ULK4: variants seen among roughly 807,000 people sequenced by gnomAD.
The protein encoded by ULK4 is inactive serine/threonine-protein kinase ULK4.
A neutral mutation model predicts 160.6 loss-of-function variants in ULK4; 133 were observed. The ratio of observed to expected loss-of-function variants is 0.83; its 90% confidence interval spans 0.72 to 0.96. ULK4 has a LOEUF of 0.96. Ranked by LOEUF, ULK4 falls within the 40% of genes least tolerant of loss-of-function variation. ULK4 has a pLI of 0.00. For synonymous variants in ULK4, 534 were observed against 539.8 expected (o/e 0.99, Z 0.15); for missense variants, 1,580 against 1,499.5 (o/e 1.05, Z -0.89).
At chr3:41,797,928 GAGAAA>G (rs1364970791) in intron 20 of ULK4, among the ~76,000 whole-genome samples, 2 of 151,020 alleles carry the variant, frequency 1.3e-5, no homozygotes, top group African/African-American at 2.4e-5. Flanking sequence ...GAAAAGAAAA[GAGAAA>G]AGAAAAGAAA....
intron 32 of ULK4, among the ~76,000 whole-genome samples, chr3:41,484,156 G>A (rs182474426): frequency 2.0e-3 from 310 of 152,282 alleles, no homozygotes; most frequent in African/African-American, 7.1e-3. Context: ...GCACTTCTGA[G>A]TCAGCATCAG....
chr3:41,293,758 G>T (rs2079617034), intron 35 of ULK4, among the ~76,000 whole-genome samples: 1 of 152,142 alleles, frequency 6.6e-6, no homozygotes, highest in Admixed American at 6.6e-5. Flanking sequence ...AACAATGTCT[G>T]GCATACAGTA....
intron 21 of ULK4, among the ~76,000 whole-genome samples, chr3:41,773,507 C>A (rs1473082196): frequency 2.0e-5 from 3 of 152,118 alleles, no homozygotes; most frequent in Non-Finnish European, 4.4e-5. Flanking sequence ...AGGAATCCAA[C>A]TTAAAAGGGA....
chr3:41,553,028 G>C (rs2087134341), intron 32 of ULK4, among the ~76,000 whole-genome samples: 1 of 152,090 alleles, frequency 6.6e-6, no homozygotes, highest in African/African-American at 2.4e-5. Flanking sequence ...AATAAATGGT[G>C]CTGGGAAAAT....
intron 35 of ULK4, among the ~76,000 whole-genome samples, chr3:41,317,063 A>ATGTTTGTTTTTTTTTT (rs2080156954): frequency 1.1e-5 from 1 of 94,522 alleles, no homozygotes; most frequent in African/African-American, 4.3e-5. Flanking sequence ...AATTACATCT[A>ATGTTTGTTTTTTTTTT]TTTTTTTTTT....
chr3:41,463,527 C>T (rs1470053405), intron 32 of ULK4, among the ~76,000 whole-genome samples: 1 of 152,152 alleles, frequency 6.6e-6, no homozygotes, highest in Non-Finnish European at 1.5e-5. Flanking sequence ...CACCATCCTA[C>T]ATGGGCAGGC....
rs2078783297 is a variant in ULK4, at chr3:41,253,847, A to G, written c.3679-4273T>C. 2.0e-5 allele frequency among the ~76,000 whole-genome samples: 3 copies of G among 152,174 alleles called. No homozygotes were observed. The South Asian group carries it at 6.2e-4, about 31-fold the overall frequency. On this transcript the variant is annotated intron_variant, in intron 35 of 36. Coordinates refer to ENST00000301831, the MANE Select transcript of ULK4 (RefSeq NM_017886.4). ...TACCATGCACACATAAATCAAAAGA[A>G]AGCTAGAGTGGCTATAGTAATGTCA...
intron 17 of ULK4, among the ~76,000 whole-genome samples, chr3:41,856,571 ATATG>A (rs1559611165): frequency 3.2e-3 from 274 of 84,706 alleles, no homozygotes; most frequent in Middle Eastern, 6.6e-3. Context: ...ACACATATAT[ATATG>A]TGTATATATA....
At chr3:41,799,135 C>T (rs1006665097) in intron 20 of ULK4, among the ~76,000 whole-genome samples, 2 of 152,084 alleles carry the variant, frequency 1.3e-5, no homozygotes, top group East Asian at 3.9e-4. Context: ...AAGTAAGAAA[C>T]TGCCACAGAG....
intron 35 of ULK4, among the ~76,000 whole-genome samples, chr3:41,369,611 G>A (rs1264939242): frequency 1.3e-5 from 2 of 151,796 alleles, no homozygotes; most frequent in Non-Finnish European, 2.9e-5. Flanking sequence ...TGGCCAACAT[G>A]GTGAAAACCC....
intron 32 of ULK4, among the ~76,000 whole-genome samples, chr3:41,476,515 T>C (rs1328436410): frequency 1.3e-5 from 2 of 152,096 alleles, no homozygotes; most frequent in African/African-American, 4.8e-5. Flanking sequence ...TGGAGATGGG[T>C]GTGTGGCTCT....
At chr3:41,886,636 C>T (rs1005294297) in intron 16 of ULK4, among the ~76,000 whole-genome samples, 1 of 150,586 alleles carries the variant, frequency 6.6e-6, no homozygotes, top group Admixed American at 6.6e-5. Flanking sequence ...TAGTGAGTGG[C>T]ACAATCTCAG....
intron 31 of ULK4, among the ~76,000 whole-genome samples, chr3:41,615,271 T>C (rs978397309): frequency 9.2e-5 from 14 of 152,320 alleles, no homozygotes; most frequent in African/African-American, 3.4e-4. Context: ...AAACTGCTGA[T>C]CTGGTACCCA....
chr3:41,721,287 G>GTTTTTTTTTTTTTTTTTT (rs1559507507), intron 22 of ULK4, among the ~76,000 whole-genome samples: 1 of 68,828 alleles, frequency 1.5e-5, no homozygotes, highest in African/African-American at 6.7e-5. Flanking sequence ...TTTTTTTTGG[G>GTTTTTTTTTTTTTTTTTT]TTTTGAACCA....
At chr3:41,848,483 G>T (rs892411145) in intron 17 of ULK4, among the ~76,000 whole-genome samples, 5 of 152,140 alleles carry the variant, frequency 3.3e-5, no homozygotes, top group Admixed American at 2.6e-4. Context: ...CTGTAGAATG[G>T]CAAATCAGAC....
At chr3:41,794,399 C>T (rs2040232641) in intron 20 of ULK4, among the ~76,000 whole-genome samples, 1 of 152,122 alleles carries the variant, frequency 6.6e-6, no homozygotes, top group Non-Finnish European at 1.5e-5. Context: ...GACGCTGTGG[C>T]TCACGCCTGT....
chr3:41,671,125 A>T (rs911381008), intron 29 of ULK4, among the ~76,000 whole-genome samples: 4 of 152,158 alleles, frequency 2.6e-5, no homozygotes. Flanking sequence ...CTCACAGATC[A>T]GAAAAATTAA....
intron 35 of ULK4, among the ~76,000 whole-genome samples, chr3:41,303,335 T>C (rs557282279): frequency 6.6e-6 from 1 of 152,304 alleles, no homozygotes; most frequent in East Asian, 1.9e-4. Context: ...AGGGAGGCTA[T>C]TAACAATTTA....
chr3:41,486,107 C>T (rs985215707), intron 32 of ULK4, among the ~76,000 whole-genome samples: 3 of 152,094 alleles, frequency 2.0e-5, no homozygotes, highest in Admixed American at 2.0e-4. Flanking sequence ...TTTCCCTTTA[C>T]CCCACAATCA....
Sources: gnomAD v4.1 joint callset for allele counts (sites outside exome capture counted in the v4.1 genomes callset) on GRCh38, gnomAD v4.1.1 for gene constraint, MANE v1.5 for transcripts, NCBI Gene and HGNC (gene_info 2026-07-23, HGNC 2026-07-21) for gene names.